Variants in PCDHGA5 observed in about 807,000 individuals in gnomAD.
PCDHGA5 encodes the protein protocadherin gamma subfamily A, 5.
A neutral mutation model predicts 56.7 loss-of-function variants in PCDHGA5; 36 were observed. The ratio of observed to expected loss-of-function variants is 0.64; its 90% CI spans 0.49 to 0.84. PCDHGA5 has a LOEUF of 0.84. Ranked by LOEUF, PCDHGA5 falls within the 40% of genes least tolerant of loss-of-function variation. The pLI, the probability that PCDHGA5 is intolerant of heterozygous loss-of-function variation, is 0.00. For synonymous variants in PCDHGA5, 563 were observed against 520.2 expected, an observed-to-expected ratio of 1.08 and a Z score of -1.12; for missense variants, 1,305 against 1,201.5, an observed-to-expected ratio of 1.09 and a Z score of -1.27.
intron 1 of PCDHGA5, chr5:141,478,812 A>C: frequency 1.4e-6 from 2 of 1,453,554 alleles, no homozygotes; most frequent in Non-Finnish European, 1.8e-6. Context: ...TTGCTATCAC[A>C]ACTAACCAAT....
At chr5:141,410,254 C>G in intron 1 of PCDHGA5, 1 of 1,614,020 alleles carries the variant, frequency 6.2e-7, no homozygotes, top group Non-Finnish European at 8.5e-7. Flanking sequence ...TCTCTGACCC[C>G]CAGGCTGAAC....
Position 141,364,627 on chromosome 5 carries a change from C to A in PCDHGA5, c.297C>A (p.Ser99Arg). The A allele has an allele frequency of 1.2e-6, 2 of 1,614,112 alleles. No homozygotes were observed. The highest frequency in any genetic ancestry group is 1.1e-5 in the South Asian group (1 of 91,080). The change falls in exon 1 of 4, where the codon AGC (serine) becomes AGA (arginine). Residue 99 changes from serine to arginine, a missense_variant. Physicochemically the swap from Ser to Arg is moderately radical, Grantham distance 110. Coordinates refer to ENST00000518069, the MANE Select transcript of PCDHGA5 (RefSeq NM_018918.3). ...ACCGGGAGGAGCTCTGCGCTCAGAGCCCACTGTGTGTGGTGAACTTTAACA... is the reference window on the plus strand; with the variant it reads ...ACCGGGAGGAGCTCTGCGCTCAGAGACCACTGTGTGTGGTGAACTTTAACA... ...RIDREELCAQ[S>R]PLCVVNFNIL...
chr5:141,419,334 T>C (rs1260087339), intron 1 of PCDHGA5: 3 of 1,613,870 alleles, frequency 1.9e-6, no homozygotes, highest in Non-Finnish European at 8.5e-7. Flanking sequence ...TACTCTCTCA[T>C]TGCCAGCGAC....
At chr5:141,387,782 A>C in intron 1 of PCDHGA5, 2 of 1,466,298 alleles carry the variant, frequency 1.4e-6, no homozygotes, top group Non-Finnish European at 1.8e-6. Context: ...TTGAACTGGA[A>C]CTGCAACTAA....
chr5:141,490,374 C>T lies in PCDHGA5; in HGVS notation c.2422-4433C>T, dbSNP rs1452417604. 1.2e-6 allele frequency: 2 copies of T among 1,614,082 alleles called. No homozygotes were observed. Among genetic ancestry groups the T allele is most frequent in the Middle Eastern group, 1.6e-4 (1 of 6,084 alleles). ...GGTTGTTTAATGTGCGAGACCGGGA[C>T]TCAGGTAGAAATGGTGAAGTGAGCC... On this transcript the variant is annotated intron_variant, in intron 1 of 3. Coordinates refer to ENST00000518069, the MANE Select transcript of PCDHGA5 (RefSeq NM_018918.3). This position sits in a 1 kb window ranked among gnomAD's most constrained non-coding sequence, Gnocchi z 5.4.
At chr5:141,393,405 C>G (rs777100284) in intron 1 of PCDHGA5, 1 of 1,613,914 alleles carries the variant, frequency 6.2e-7, no homozygotes, top group Admixed American at 1.7e-5. Flanking sequence ...GGTGCTGGAG[C>G]GCGCCCTGGA....
chr5:141,417,919 G>C, intron 1 of PCDHGA5: 1 of 1,605,944 alleles, frequency 6.2e-7, no homozygotes, highest in Non-Finnish European at 8.5e-7. Flanking sequence ...TATTTCCTTT[G>C]CTGCTGCCTT....
intron 1 of PCDHGA5, among the ~76,000 whole-genome samples, chr5:141,469,289 A>G (rs2154570270): frequency 6.6e-6 from 1 of 151,932 alleles, no homozygotes; most frequent in South Asian, 2.1e-4. Flanking sequence ...AAAATAAAAC[A>G]AAATAGACTG....
At chr5:141,415,754 T>TTTG (rs2095935149) in intron 1 of PCDHGA5, 3 of 1,385,710 alleles carry the variant, frequency 2.2e-6, no homozygotes, top group African/African-American at 1.5e-5. Context: ...TTTTTTTTTT[T>TTTG]TTTTTTTTTT....
chr5:141,384,870 C>T lies in PCDHGA5; in HGVS notation c.2421+18119C>T, dbSNP rs573213865. 2.6e-5 allele frequency: 42 copies of T among 1,613,806 alleles called. No homozygotes were observed. The Admixed American group carries it at 4.7e-4, about 18-fold the overall frequency. Reference sequence around the variant, plus strand: ...ACGGTCAGCCTCCTCTGTCAGCCACCGTCACACTCACCGTGGCTGTGGCTG... The same window carrying T: ...ACGGTCAGCCTCCTCTGTCAGCCACTGTCACACTCACCGTGGCTGTGGCTG... On this transcript the variant is annotated intron_variant, in intron 1 of 3. Coordinates refer to ENST00000518069, the MANE Select transcript of PCDHGA5 (RefSeq NM_018918.3).
At chr5:141,391,258 T>C (rs1419386522) in intron 1 of PCDHGA5, 3 of 152,182 alleles carry the variant, frequency 2.0e-5, no homozygotes, top group African/African-American at 7.2e-5. Context: ...ACTGCTTCAG[T>C]TAATGGCCAC....
At chr5:141,375,806 G>A in intron 1 of PCDHGA5, 1 of 1,614,206 alleles carries the variant, frequency 6.2e-7, no homozygotes, top group Non-Finnish European at 8.5e-7. Context: ...TTCCACTGGC[G>A]TGGAGCTGGC....
intron 1 of PCDHGA5, chr5:141,372,083 G>A (rs1381793721): frequency 1.2e-6 from 2 of 1,613,756 alleles, no homozygotes; most frequent in Non-Finnish European, 8.5e-7. Context: ...CGCTGGTGCT[G>A]TACCCAGCTC....
intron 1 of PCDHGA5, chr5:141,376,026 A>T: frequency 6.2e-7 from 1 of 1,613,128 alleles, no homozygotes; most frequent in African/African-American, 1.3e-5. Context: ...GCCGTCCAGG[A>T]CCACGGCCAG....
chr5:141,491,227 C>T lies in PCDHGA5; in HGVS notation c.2422-3580C>T. 6.2e-7 allele frequency: 1 copy of T among 1,614,216 alleles called. No homozygotes were observed. The highest frequency in any genetic ancestry group is 8.5e-7 in the Non-Finnish European group (1 of 1,180,018). On this transcript the variant is annotated intron_variant, in intron 1 of 3. Coordinates refer to ENST00000518069, the MANE Select transcript of PCDHGA5 (RefSeq NM_018918.3). The surrounding 1 kb of genome is among the most constrained non-coding windows in gnomAD (Gnocchi z 6.9). Reference sequence around the variant, plus strand: ...TTCACTCTCCTCCACAGCCACAGTGCTGCTGGTTCTGGAGGATGAGGACCC... The same window carrying T: ...TTCACTCTCCTCCACAGCCACAGTGTTGCTGGTTCTGGAGGATGAGGACCC...
intron 1 of PCDHGA5, among the ~76,000 whole-genome samples, chr5:141,454,989 T>C (rs1460420144): frequency 6.6e-6 from 1 of 151,506 alleles, no homozygotes; most frequent in East Asian, 2.0e-4. Context: ...TTAAAAAATA[T>C]TTTTAGTAGA....
chr5:141,428,081 C>T (rs768842388), intron 1 of PCDHGA5: 2 of 1,609,218 alleles, frequency 1.2e-6, no homozygotes, highest in Non-Finnish European at 1.7e-6. Context: ...CGGGACACAA[C>T]GCTTGGCTGT....
chr5:141,366,015 T>A lies in PCDHGA5; in HGVS notation c.1685T>A (p.Ile562Asn). The change falls in exon 1 of 4, where the codon ATC becomes AAC. Residue 562 changes from isoleucine to asparagine, a missense_variant. By Grantham distance (149) the Ile-to-Asn change is moderately radical (BLOSUM62 -3). Transcript: ENST00000518069. ...GACCAGAACGACAATACGCCTGAGA[T>A]CCTGTACCCCGCCCTCCCCACAGAC... ...VLDQNDNTPE[I>N]LYPALPTDGS... 1 of 1,614,144 alleles carries A rather than the reference T, an allele frequency of 6.2e-7. No homozygotes were observed. The highest frequency in any genetic ancestry group is 8.5e-7 in the Non-Finnish European group (1 of 1,180,022).
chr5:141,425,490 G>T (rs2096878933), intron 1 of PCDHGA5, among the ~76,000 whole-genome samples: 1 of 152,122 alleles, frequency 6.6e-6, no homozygotes, highest in Non-Finnish European at 1.5e-5. Context: ...AACCTACTAG[G>T]CTATACCTTT....
Sources: gnomAD v4.1 joint callset for allele counts (sites outside exome capture counted in the v4.1 genomes callset) on GRCh38, gnomAD v4.1.1 for gene constraint, Gnocchi (gnomAD v3.1) non-coding constraint, MANE v1.5 for transcripts, NCBI Gene and HGNC (gene_info 2026-07-23, HGNC 2026-07-21) for gene names.